The following EMC2 variants were observed in gnomAD, a reference collection of about 807,000 sequenced individuals.
EMC2 encodes the protein ER membrane protein complex subunit 2.
In EMC2, 37 loss-of-function variants were observed where a neutral mutation model predicts 51.6. That is an observed-to-expected ratio of 0.72 (90% CI 0.55 to 0.94). EMC2 has a LOEUF of 0.94. Among genes scored for constraint, EMC2 ranks in the 40% least tolerant of loss-of-function variants. EMC2 has a pLI of 0.00. For synonymous variants in EMC2, 131 were observed against 112.4 expected, an observed-to-expected ratio of 1.17 and a Z score of -1.04; for missense variants, 359 against 350.9, an observed-to-expected ratio of 1.02 and a Z score of -0.18.
intron 7 of EMC2, 37 bp from the exon 8 acceptor site, chr8:108,475,845 C>G: frequency 2.4e-6 from 3 of 1,261,750 alleles, no homozygotes; most frequent in Non-Finnish European, 3.4e-6. Context: ...AAATTTGTGA[C>G]TTTAAAAATT....
Position 108,453,084 on chromosome 8 carries a change from G to T in EMC2, c.242G>T (p.Arg81Ile). 6.2e-7 allele frequency: 1 copy of T among 1,601,208 alleles called. No homozygotes were observed. Among genetic ancestry groups the T allele is most frequent in the Non-Finnish European group, 8.5e-7 (1 of 1,173,682 alleles). Residue 81 changes from arginine to isoleucine, a missense_variant, in exon 4 of 11, where the codon AGA becomes ATA. Physicochemically the swap from Arg to Ile is moderately conservative, Grantham distance 97 (BLOSUM62 -3). Transcript: ENST00000220853. Reference sequence around the variant, plus strand: ...CAGTTTTGTCTTCAAGAGCTGAGAAGACAGTTCCCTGGCAGTCACAGAGTC... The same window carrying T: ...CAGTTTTGTCTTCAAGAGCTGAGAATACAGTTCCCTGGCAGTCACAGAGTC... ...LALFCLQELR[R>I]QFPGSHRVKR...
intron 5 of EMC2, among the ~76,000 whole-genome samples, chr8:108,462,150 T>C (rs868864336): frequency 6.6e-6 from 1 of 151,906 alleles, no homozygotes; most frequent in African/African-American, 2.4e-5. Context: ...CTTTCAGAGA[T>C]ATTTTTCATG....
intron 4 of EMC2, among the ~76,000 whole-genome samples, chr8:108,453,746 T>G (rs1298215780): frequency 1.3e-5 from 2 of 152,158 alleles, no homozygotes; most frequent in South Asian, 4.1e-4. Context: ...GATAATTGAT[T>G]GTGCTGTACA....
At position 108,489,153 on chromosome 8, in the gene EMC2, A is replaced by G. The variant is rs554926706; in HGVS notation, c.*2555A>G. On this transcript the variant is annotated 3_prime_UTR_variant, in exon 11 of 11. Transcript: ENST00000220853. Reference sequence around the variant, plus strand: ...AAGATGAGCAATTGCCAAACTCCCCAATTATTAAATGAGAAAAAATAAACT... The same window carrying G: ...AAGATGAGCAATTGCCAAACTCCCCGATTATTAAATGAGAAAAAATAAACT... 6.6e-6 allele frequency among the ~76,000 whole-genome samples: 1 copy of G among 152,292 alleles called. No homozygotes were observed. Among genetic ancestry groups the G allele is most frequent in the South Asian group, 2.1e-4 (1 of 4,824 alleles).
chr8:108,463,475 G>C (rs1415312846), intron 5 of EMC2, among the ~76,000 whole-genome samples: 3 of 152,046 alleles, frequency 2.0e-5, no homozygotes, highest in Non-Finnish European at 4.4e-5. Context: ...TCCATTGAGT[G>C]GGAGAGTGCC....
chr8:108,468,158 A>G (rs1348284096), intron 5 of EMC2, among the ~76,000 whole-genome samples: 1 of 152,202 alleles, frequency 6.6e-6, no homozygotes, highest in Non-Finnish European at 1.5e-5. Flanking sequence ...TAAATGGCCG[A>G]AAGTTTCCTG....
chr8:108,461,646 A>C (rs779260814), intron 5 of EMC2, among the ~76,000 whole-genome samples: 1 of 152,172 alleles, frequency 6.6e-6, no homozygotes, highest in Admixed American at 6.5e-5. Context: ...AAGTTTCAAA[A>C]TTTTTTATTT....
chr8:108,454,326 A>G (rs1819101710), intron 4 of EMC2, among the ~76,000 whole-genome samples: 1 of 151,940 alleles, frequency 6.6e-6, no homozygotes. Context: ...TTAATTGAGC[A>G]TTTATAGAAT....
chr8:108,468,578 C>G (rs373688762), intron 5 of EMC2, among the ~76,000 whole-genome samples: 2 of 151,912 alleles, frequency 1.3e-5, no homozygotes, highest in South Asian at 2.1e-4. Flanking sequence ...CTTGATTTCT[C>G]TAAACTTTCA....
In EMC2 at chr8:108,476,900, G is replaced by C. The variant is rs774653414; in HGVS notation, c.702+8G>C. On this transcript the variant is annotated splice_region_variant and intron_variant, in intron 9 of 10. Coordinates refer to ENST00000220853, the MANE Select transcript of EMC2 (RefSeq NM_014673.5). ...TTGTTTGGACTTTATATGGTGAGTT[G>C]AGGTGCATGTTTAATGTTATTTTTA... The C allele has an allele frequency of 2.6e-5, 32 of 1,248,442 alleles. No homozygotes were observed. Among genetic ancestry groups the C allele is most frequent in the Non-Finnish European group, 3.4e-5 (29 of 848,010 alleles). 77.3% of individuals were successfully genotyped at this position (1,248,442 alleles called of 1,614,324 possible). A position where few individuals can be genotyped will look rare whatever the true frequency, so the allele number is the denominator to read the frequency against.
At position 108,488,144 on chromosome 8, in the gene EMC2, A is replaced by G. The variant is rs114198925; in HGVS notation, c.*1546A>G. ...TGTAATAAGTAATTCAGTGCCTCTT[A>G]TAGCTGTCTGCCTTAGTTTCACTTT... is the stretch of plus-strand genomic sequence containing the variant. On this transcript the variant is annotated 3_prime_UTR_variant, in exon 11 of 11. Transcript: ENST00000220853. Among the ~76,000 whole-genome samples the G allele has an allele frequency of 5.0e-3, 741 of 149,254 alleles. 9 individuals are homozygous for G. Among genetic ancestry groups the G allele is most frequent in the African/African-American group, 0.017 (710 of 40,648 alleles).
At chr8:108,456,925 TAGA>T (rs1489535964) in intron 5 of EMC2, among the ~76,000 whole-genome samples, 3 of 152,192 alleles carry the variant, frequency 2.0e-5, no homozygotes, top group African/African-American at 4.8e-5. Context: ...TTTTCTTTTA[TAGA>T]AGGAGAAATT....
chr8:108,474,339 T>C (rs1351337470), intron 7 of EMC2: 1 of 152,042 alleles, frequency 6.6e-6, no homozygotes, highest in Non-Finnish European at 1.5e-5. Context: ...AAGAGAACTG[T>C]CTTTTGATAA....
intron 5 of EMC2, among the ~76,000 whole-genome samples, chr8:108,464,809 C>T (rs1336678332): frequency 3.3e-5 from 5 of 152,334 alleles, no homozygotes; most frequent in South Asian, 2.1e-4. Flanking sequence ...AGACGTGTTC[C>T]GTAAACGGTA....
At chr8:108,467,750 C>G (rs368299341) in intron 5 of EMC2, among the ~76,000 whole-genome samples, 1 of 152,110 alleles carries the variant, frequency 6.6e-6, no homozygotes, top group East Asian at 1.9e-4. Flanking sequence ...TACAGTATCT[C>G]ATCTCTGCTG....
chr8:108,461,975 A>G (rs1233240632), intron 5 of EMC2, among the ~76,000 whole-genome samples: 1 of 151,794 alleles, frequency 6.6e-6, no homozygotes, highest in African/African-American at 2.4e-5. Context: ...TGCCCAGCTA[A>G]TTTTTGTATT....
chr8:108,445,857 G>T (rs1381071880), intron 1 of EMC2, among the ~76,000 whole-genome samples: 1 of 152,140 alleles, frequency 6.6e-6, no homozygotes, highest in East Asian at 1.9e-4. Flanking sequence ...CTAACACATT[G>T]TCAGAAAAGA....
chr8:108,482,530 T>C (rs902079435), intron 10 of EMC2, among the ~76,000 whole-genome samples: 4 of 152,188 alleles, frequency 2.6e-5, no homozygotes, highest in Admixed American at 2.6e-4. Context: ...TCTATTCTTT[T>C]ACTTTTCGTA....
At chr8:108,462,056 C>T (rs935418806) in intron 5 of EMC2, among the ~76,000 whole-genome samples, 2 of 152,142 alleles carry the variant, frequency 1.3e-5, no homozygotes, top group African/African-American at 4.8e-5. Flanking sequence ...ATCTGCCTGC[C>T]TCAGCCTCTC....
Sources: allele counts gnomAD v4.1 joint callset (sites outside exome capture counted in the v4.1 genomes callset), GRCh38; gene constraint gnomAD v4.1.1; transcripts MANE v1.5; gene names NCBI Gene and HGNC (gene_info 2026-07-23, HGNC 2026-07-21).